Variants in CDH18 observed in about 807,000 individuals in gnomAD.
CDH18 encodes the protein cadherin-18.
A neutral mutation model predicts 67.9 loss-of-function variants in CDH18; 31 were observed. That is an observed-to-expected ratio of 0.46 (90% CI 0.34 to 0.62). The LOEUF is 0.62. CDH18 is among the 20% of genes least tolerant of loss of function. The pLI is 0.01. For synonymous variants in CDH18, 362 were observed against 347.2 expected (o/e 1.04, Z -0.48); for missense variants, 890 against 975.5 (o/e 0.91, Z 1.17).
At chr5:19,565,943 T>C (rs1182130931) in intron 8 of CDH18, among the ~76,000 whole-genome samples, 2 of 151,280 alleles carry the variant, frequency 1.3e-5, no homozygotes, top group South Asian at 4.2e-4. Flanking sequence ...ACCCACAAAA[T>C]GAAAGAAAAT....
intron 1 of CDH18, among the ~76,000 whole-genome samples, chr5:20,415,718 G>T (rs1747249652): frequency 6.6e-6 from 1 of 152,014 alleles, no homozygotes; most frequent in Non-Finnish European, 1.5e-5. Flanking sequence ...AGTTGCAGTG[G>T]CTGAGATTGC....
At chr5:20,406,448 G>T (rs563765537) in intron 1 of CDH18, among the ~76,000 whole-genome samples, 8 of 146,760 alleles carry the variant, frequency 5.5e-5, no homozygotes, top group African/African-American at 1.0e-4. Flanking sequence ...GAGGGGGGAG[G>T]GATAGCATTA....
intron 2 of CDH18, among the ~76,000 whole-genome samples, chr5:19,954,859 A>G (rs998634618): frequency 6.6e-6 from 1 of 151,906 alleles, no homozygotes; most frequent in Non-Finnish European, 1.5e-5. Flanking sequence ...CAGGAAAAAA[A>G]AAAAGAGTTA....
At chr5:20,402,281 T>C (rs139751629) in intron 1 of CDH18, among the ~76,000 whole-genome samples, 2 of 152,346 alleles carry the variant, frequency 1.3e-5, no homozygotes, top group East Asian at 3.9e-4. Context: ...TCTGTGTATT[T>C]GGTCATTGCC....
chr5:20,397,786 T>G (rs551647111), intron 1 of CDH18, among the ~76,000 whole-genome samples: 6 of 152,306 alleles, frequency 3.9e-5, no homozygotes, highest in Admixed American at 1.3e-4. Context: ...AAAAAACTAT[T>G]AATGTGATAG....
chr5:20,574,278 A>G (rs1561145115), intron 1 of CDH18, among the ~76,000 whole-genome samples: 1 of 151,988 alleles, frequency 6.6e-6, no homozygotes, highest in Non-Finnish European at 1.5e-5. Context: ...TATTTAGAGT[A>G]TGTAATAATT....
intron 11 of CDH18, among the ~76,000 whole-genome samples, chr5:19,488,797 C>A (rs1328757668): frequency 6.6e-6 from 1 of 152,198 alleles, no homozygotes; most frequent in Non-Finnish European, 1.5e-5. Flanking sequence ...AACACTTCAG[C>A]AGCATGTTCT....
At chr5:20,243,050 T>C (rs543325355) in intron 2 of CDH18, among the ~76,000 whole-genome samples, 2 of 152,266 alleles carry the variant, frequency 1.3e-5, no homozygotes, top group East Asian at 1.9e-4. Context: ...TAAGTAGATA[T>C]GTGGGTTAGC....
chr5:20,257,481 GCTC>G (rs1265055267), intron 1 of CDH18, among the ~76,000 whole-genome samples: 4 of 47,108 alleles, frequency 8.5e-5, no homozygotes, highest in Admixed American at 6.4e-4. Flanking sequence ...TGGCTCTATT[GCTC>G]TATTGCTATC....
chr5:20,199,594 G>A (rs1739281468), intron 2 of CDH18, among the ~76,000 whole-genome samples: 1 of 152,156 alleles, frequency 6.6e-6, no homozygotes. Context: ...ATTCTGGAAT[G>A]AGTTAAGACT....
At chr5:19,553,231 C>T (rs1358612052) in intron 8 of CDH18, among the ~76,000 whole-genome samples, 2 of 152,000 alleles carry the variant, frequency 1.3e-5, no homozygotes, top group Admixed American at 6.6e-5. Context: ...TTTTTCATTT[C>T]AATAACAGCT....
chr5:20,398,541 G>T (rs1357438358), intron 1 of CDH18, among the ~76,000 whole-genome samples: 1 of 152,092 alleles, frequency 6.6e-6, no homozygotes, highest in Non-Finnish European at 1.5e-5. Context: ...ATGGAAGCTG[G>T]CATCAAAAGC....
intron 1 of CDH18, among the ~76,000 whole-genome samples, chr5:20,472,240 A>C (rs1752142348): frequency 6.6e-6 from 1 of 152,192 alleles, no homozygotes; most frequent in Admixed American, 6.5e-5. Flanking sequence ...GGGTTTATGA[A>C]GTTTTCTAAT....
intron 11 of CDH18, among the ~76,000 whole-genome samples, chr5:19,485,098 T>G (rs1740153830): frequency 6.6e-6 from 1 of 152,124 alleles, no homozygotes; most frequent in African/African-American, 2.4e-5. Context: ...TTTTAAAATA[T>G]TCAATGTACT....
intron 5 of CDH18, among the ~76,000 whole-genome samples, chr5:19,680,604 G>A (rs1838910): frequency 0.034 from 5,166 of 152,052 alleles, 280 homozygotes; most frequent in African/African-American, 0.12. Context: ...AGAGGGCAAA[G>A]GATGTGAACA....
intron 5 of CDH18, among the ~76,000 whole-genome samples, chr5:19,642,200 C>A (rs1754098413): frequency 6.6e-6 from 1 of 151,820 alleles, no homozygotes; most frequent in African/African-American, 2.4e-5. Flanking sequence ...AATGGAAAGA[C>A]AGCATATACC....
chr5:19,850,929 G>T (rs1413419236), intron 2 of CDH18, among the ~76,000 whole-genome samples: 8 of 151,684 alleles, frequency 5.3e-5, no homozygotes, highest in African/African-American at 1.9e-4. Flanking sequence ...AACAATTAGG[G>T]AACAAATAAG....
At chr5:20,166,465 G>A (rs371846582) in intron 2 of CDH18, among the ~76,000 whole-genome samples, 12 of 142,350 alleles carry the variant, frequency 8.4e-5, no homozygotes, top group South Asian at 2.2e-4. Flanking sequence ...GAAAAGAAAA[G>A]AAAAGAAAAA....
intron 2 of CDH18, among the ~76,000 whole-genome samples, chr5:19,863,033 G>C (rs1785071318): frequency 6.6e-6 from 1 of 152,090 alleles, no homozygotes. Context: ...GAAAAAATGG[G>C]AGAACAGGGT....
Sources: allele counts gnomAD v4.1 joint callset (sites outside exome capture counted in the v4.1 genomes callset), GRCh38; gene constraint gnomAD v4.1.1; transcripts MANE v1.5; gene names NCBI Gene and HGNC (gene_info 2026-07-23, HGNC 2026-07-21).